IGSF11: variants seen among roughly 807,000 people sequenced by gnomAD.
IGSF11 encodes CXADR like 1.
IGSF11 carries 22 observed loss-of-function variants against 41.0 expected under a neutral mutation model. The ratio of observed to expected loss-of-function variants is 0.54; its 90% CI spans 0.38 to 0.77. IGSF11 has a LOEUF of 0.77. IGSF11 is among the 30% of genes least tolerant of loss of function. The pLI is 0.00. For missense variants in IGSF11, 444 were observed against 530.8 expected (o/e 0.84, Z 1.61); for synonymous variants, 219 against 201.3 (o/e 1.09, Z -0.74).
chr3:118,951,766 C>G (rs1050594476), intron 1 of IGSF11, among the ~76,000 whole-genome samples: 2 of 152,112 alleles, frequency 1.3e-5, no homozygotes, highest in Admixed American at 1.3e-4. Flanking sequence ...AATATTCTCT[C>G]AAATACCTTA....
At chr3:119,011,266 A>C (rs1938082067) in intron 1 of IGSF11, among the ~76,000 whole-genome samples, 1 of 152,152 alleles carries the variant, frequency 6.6e-6, no homozygotes, top group Non-Finnish European at 1.5e-5. Context: ...TAAAAAAATA[A>C]AACATCTAAA....
chr3:119,060,704 T>C (rs1326687849), intron 1 of IGSF11, among the ~76,000 whole-genome samples: 1 of 152,222 alleles, frequency 6.6e-6, no homozygotes, highest in African/African-American at 2.4e-5. Context: ...ACTCAAGTTT[T>C]CTGTCTCTAT....
intron 1 of IGSF11, among the ~76,000 whole-genome samples, chr3:119,070,222 T>TC (rs920204852): frequency 2.0e-5 from 3 of 152,164 alleles, no homozygotes; most frequent in African/African-American, 7.2e-5. Context: ...TTCAGATGTG[T>TC]TTTTTCCTTA....
chr3:118,957,127 G>C (rs886664920), intron 1 of IGSF11, among the ~76,000 whole-genome samples: 2 of 152,122 alleles, frequency 1.3e-5, no homozygotes, highest in Non-Finnish European at 2.9e-5. Context: ...CCTTGTCCAA[G>C]GGCAGAAGAT....
chr3:118,925,883 A>G, intron 4 of IGSF11: 1 of 304,850 alleles, frequency 3.3e-6, no homozygotes, highest in Admixed American at 5.0e-5. Flanking sequence ...GTTTCCATAT[A>G]TAGTTACCAC....
chr3:118,945,073 G>A (rs997123149), intron 1 of IGSF11: 2 of 152,084 alleles, frequency 1.3e-5, no homozygotes, highest in African/African-American at 4.8e-5. Context: ...TTAAGAAAAG[G>A]CATAAAAATA....
chr3:119,041,459 G>A (rs1032316336), intron 1 of IGSF11, among the ~76,000 whole-genome samples: 9 of 152,076 alleles, frequency 5.9e-5, no homozygotes, highest in East Asian at 1.9e-4. Context: ...ATGCACACCT[G>A]TAATCCCAGC....
At chr3:119,076,606 C>T (rs2076503849) in intron 1 of IGSF11, among the ~76,000 whole-genome samples, 1 of 152,216 alleles carries the variant, frequency 6.6e-6, no homozygotes, top group Admixed American at 6.5e-5. Context: ...GCAAAGGATA[C>T]AAACAGACAC....
chr3:119,044,805 A>C (rs1453317077), intron 1 of IGSF11, among the ~76,000 whole-genome samples: 1 of 152,262 alleles, frequency 6.6e-6, no homozygotes, highest in Non-Finnish European at 1.5e-5. Flanking sequence ...AGCAAAACTA[A>C]GCTTCATAAA....
rs142278710 is a variant in IGSF11, at chr3:119,052,028, G to A, written c.49+53116C>T. ...ATTAAATGCCTACATCAAAAACTCT[G>A]AAAGAGCACAAATAGACAATCTAAG... is the stretch of plus-strand genomic sequence containing the variant. On this transcript the variant is annotated intron_variant, in intron 1 of 6. Transcript: ENST00000354673. 7.9e-3 allele frequency among the ~76,000 whole-genome samples: 1,196 copies of A among 152,106 alleles called. 21 individuals carry two copies. Among genetic ancestry groups the A allele is most frequent in the African/African-American group, 0.026 (1,091 of 41,492 alleles).
rs1331014726 is a variant in IGSF11, at chr3:119,034,620, C to A, written c.-38G>T. 2.6e-6 allele frequency: 4 copies of A among 1,556,818 alleles called. No homozygotes were observed. In the Admixed American group the frequency reaches 5.7e-5, roughly 22 times the overall value. On this transcript the variant is annotated 5_prime_UTR_variant, in exon 1 of 7. Coordinates refer to ENST00000393775, the MANE Select transcript of IGSF11 (RefSeq NM_001015887.3). ...GGGAGCGCGCCTGCCTCCTACCCGG[C>A]TCCCGGTCGCAACAGGAGAGGAGCG...
chr3:118,914,595 G>C (rs1278578267), intron 4 of IGSF11, among the ~76,000 whole-genome samples: 1 of 150,042 alleles, frequency 6.7e-6, no homozygotes. Flanking sequence ...CACCTGGCTC[G>C]GAGGGTCCTA....
In IGSF11 at chr3:119,051,541, T is replaced by C. The variant is rs376998339; in HGVS notation, c.49+53603A>G. Among the ~76,000 whole-genome samples the C allele has an allele frequency of 3.3e-5, 5 of 152,156 alleles. No homozygotes were observed. In the East Asian group the frequency reaches 5.8e-4, roughly 18 times the overall value. On this transcript the variant is annotated intron_variant, in intron 1 of 6. Transcript: ENST00000354673. ...ATACAGTAAGAGTGGGGGACTTCAA[T>C]ACTCGACTAACAGCACTAAACAAGT... is the stretch of plus-strand genomic sequence containing the variant.
chr3:119,064,404 A>C (rs752167462), intron 1 of IGSF11, among the ~76,000 whole-genome samples: 2 of 151,786 alleles, frequency 1.3e-5, no homozygotes, highest in Non-Finnish European at 2.9e-5. Context: ...CAATTACTCC[A>C]TCCTAATCCC....
At chr3:119,099,930 CTG>C (rs1388984329) in intron 1 of IGSF11, among the ~76,000 whole-genome samples, 1 of 152,110 alleles carries the variant, frequency 6.6e-6, no homozygotes, top group Non-Finnish European at 1.5e-5. Context: ...AATCTGATAA[CTG>C]AGACAATTAC....
chr3:118,912,732 G>A (rs551673690), intron 4 of IGSF11, among the ~76,000 whole-genome samples: 7 of 152,174 alleles, frequency 4.6e-5, no homozygotes, highest in Non-Finnish European at 7.4e-5. Flanking sequence ...CATACAAAGA[G>A]CATAAAGTTA....
intron 1 of IGSF11, among the ~76,000 whole-genome samples, chr3:119,145,136 G>A (rs1277692582): frequency 6.6e-6 from 1 of 152,188 alleles, no homozygotes. Flanking sequence ...ATGGTGTCAA[G>A]TGTATCCACT....
intron 4 of IGSF11, among the ~76,000 whole-genome samples, chr3:118,913,365 T>C (rs1394323628): frequency 1.3e-5 from 2 of 152,156 alleles, no homozygotes; most frequent in African/African-American, 4.8e-5. Context: ...AATTAACACA[T>C]ACCTAAAATA....
chr3:118,976,482 C>T (rs1221139870), intron 1 of IGSF11, among the ~76,000 whole-genome samples: 1 of 152,212 alleles, frequency 6.6e-6, no homozygotes, highest in Non-Finnish European at 1.5e-5. Context: ...TCTTCACCTA[C>T]TTCCCAGTAT....
Sources: gnomAD v4.1 joint callset for allele counts (sites outside exome capture counted in the v4.1 genomes callset) on GRCh38, gnomAD v4.1.1 for gene constraint, MANE v1.5 for transcripts, NCBI Gene and HGNC (gene_info 2026-07-23, HGNC 2026-07-21) for gene names.